The following DMD variants were observed in gnomAD, a reference collection of about 807,000 sequenced individuals.
DMD encodes dystrophin.
A neutral mutation model predicts 330.1 loss-of-function variants in DMD; 63 were observed. The observed-to-expected ratio is 0.19, with a 90% CI of 0.16 to 0.24. The LOEUF is 0.24. Ranked by LOEUF, DMD falls within the 10% of genes least tolerant of loss-of-function variation. DMD has a pLI of 1.00. For synonymous variants in DMD, 1,223 were observed against 959.8 expected (o/e 1.27, Z -5.07); for missense variants, 3,344 against 2,684.1 (o/e 1.25, Z -5.43).
chrX:32,289,480 A>C (rs1300792505), intron 42 of DMD, among the ~76,000 whole-genome samples: 1 of 110,995 alleles, frequency 9.0e-6, no homozygotes, highest in Non-Finnish European at 1.9e-5. Context: ...AATAAGGCTG[A>C]GACCTACTGG....
intron 60 of DMD, among the ~76,000 whole-genome samples, chrX:31,372,148 G>A (rs112054513): frequency 0.064 from 7,086 of 111,144 alleles, 223 homozygotes; most frequent in South Asian, 0.14. Context: ...AGAGACTATC[G>A]CTTATCTTAG....
intron 33 of DMD, among the ~76,000 whole-genome samples, chrX:32,386,029 C>T (rs899547128): frequency 1.8e-5 from 2 of 109,635 alleles, no homozygotes; most frequent in East Asian, 2.9e-4. Flanking sequence ...CCTCCCTGAG[C>T]GTTACGTATT....
intron 44 of DMD, among the ~76,000 whole-genome samples, chrX:32,181,934 T>C (rs1438514817): frequency 8.9e-6 from 1 of 112,315 alleles, no homozygotes; most frequent in Non-Finnish European, 1.9e-5. Context: ...CTTTTAATCT[T>C]TTACTTTTCA....
At chrX:32,763,395 G>T (rs562997181) in intron 7 of DMD, among the ~76,000 whole-genome samples, 25 of 111,781 alleles carry the variant, frequency 2.2e-4, no homozygotes, top group African/African-American at 7.1e-4. Context: ...ATTTGCCTGT[G>T]ACCCTGTAGG....
intron 23 of DMD, among the ~76,000 whole-genome samples, chrX:32,466,950 G>T (rs1174546797): frequency 9.0e-6 from 1 of 111,339 alleles, no homozygotes; most frequent in Non-Finnish European, 1.9e-5. Flanking sequence ...TTTGTTAGGA[G>T]TGCCATAGGA....
intron 44 of DMD, among the ~76,000 whole-genome samples, chrX:32,070,114 G>C (rs2096285719): frequency 9.0e-6 from 1 of 110,874 alleles, no homozygotes; most frequent in African/African-American, 3.3e-5. Flanking sequence ...GGTGTAATCT[G>C]GAGCAGATAA....
chrX:32,616,108 G>A (rs1179944425), intron 11 of DMD, among the ~76,000 whole-genome samples: 1 of 110,749 alleles, frequency 9.0e-6, no homozygotes, highest in Non-Finnish European at 1.9e-5. Flanking sequence ...GTTTTTGAAA[G>A]ACCACAGAAG....
At chrX:32,521,924 A>C (rs1432318823) in intron 17 of DMD, among the ~76,000 whole-genome samples, 1 of 111,572 alleles carries the variant, frequency 9.0e-6, no homozygotes, top group African/African-American at 3.3e-5. Flanking sequence ...CCTTAAAATG[A>C]TCTGAAGAGA....
In DMD at chrX:32,459,239, A is replaced by C. The variant is rs1056928430; in HGVS notation, c.3432+4200T>G. 2.7e-5 allele frequency among the ~76,000 whole-genome samples: 3 copies of C among 111,195 alleles called. No individual in the cohort carries two copies. In the South Asian group the frequency reaches 1.1e-3, roughly 42 times the overall value. On this transcript the variant is annotated intron_variant, in intron 25 of 78. Transcript: ENST00000357033. ...GTGATAGGTAAGTTTATCATCTTGA[A>C]TGTGGTAATAAGTCTCATGGGTATA...
At chrX:32,567,429 ACT>A (rs1477150237) in intron 15 of DMD, among the ~76,000 whole-genome samples, 7 of 111,699 alleles carry the variant, frequency 6.3e-5, no homozygotes, top group African/African-American at 1.3e-4. Flanking sequence ...TTGGAGTCTA[ACT>A]CTGTCGCCCA....
chrX:31,631,932 G>T (rs1289328957), intron 54 of DMD, among the ~76,000 whole-genome samples: 8 of 111,426 alleles, frequency 7.2e-5, no homozygotes, highest in Admixed American at 6.7e-4. Context: ...TACTGAAGGG[G>T]CGGAGTGTTG....
intron 44 of DMD, among the ~76,000 whole-genome samples, chrX:32,092,695 C>T (rs2096482738): frequency 1.1e-5 from 1 of 91,598 alleles, no homozygotes; most frequent in Non-Finnish European, 2.2e-5. Context: ...TTTTATACTT[C>T]CTCAAAAATG....
At chrX:32,239,925 A>G (rs2097201765) in intron 43 of DMD, among the ~76,000 whole-genome samples, 1 of 111,956 alleles carries the variant, frequency 8.9e-6, no homozygotes, top group South Asian at 3.7e-4. Flanking sequence ...GCTATCTTTA[A>G]AAAGTTTTCT....
At chrX:32,844,411 A>T (rs1603446951) in intron 4 of DMD, among the ~76,000 whole-genome samples, 1 of 82,615 alleles carries the variant, frequency 1.2e-5, no homozygotes, top group Middle Eastern at 5.8e-3. Flanking sequence ...CATCTCAAAA[A>T]AAAAAAAAAA....
intron 9 of DMD, among the ~76,000 whole-genome samples, chrX:32,684,229 C>CAA (rs750130679): frequency 1.5e-4 from 16 of 107,426 alleles, no homozygotes; most frequent in African/African-American, 3.8e-4. Context: ...ATGTATATAC[C>CAA]CACACACACA....
chrX:32,480,045 C>T (rs1195885294), intron 21 of DMD, among the ~76,000 whole-genome samples: 1 of 110,661 alleles, frequency 9.0e-6, no homozygotes, highest in East Asian at 2.8e-4. Context: ...TATATAGAAA[C>T]CTCAAAAAAC....
At chrX:31,859,582 A>G (rs1296642137) in intron 48 of DMD, among the ~76,000 whole-genome samples, 3 of 112,157 alleles carry the variant, frequency 2.7e-5, no homozygotes, top group African/African-American at 9.7e-5. Flanking sequence ...TCTAGATAGG[A>G]TATAGTAGAA....
intron 20 of DMD, among the ~76,000 whole-genome samples, chrX:32,489,969 T>C (rs73451795): frequency 0.02 from 2,226 of 112,148 alleles, 55 homozygotes; most frequent in African/African-American, 0.066. Context: ...TTTCTGAGTT[T>C]ATTTCCTCAG....
chrX:31,708,374 G>T (rs5927815), intron 52 of DMD, among the ~76,000 whole-genome samples: 1 of 110,399 alleles, frequency 9.1e-6, no homozygotes, highest in South Asian at 3.7e-4. Flanking sequence ...TATACGGGCA[G>T]ATCTAAAGCA....
Sources: gnomAD v4.1 joint callset for allele counts (sites outside exome capture counted in the v4.1 genomes callset) on GRCh38, gnomAD v4.1.1 for gene constraint, MANE v1.5 for transcripts, NCBI Gene and HGNC (gene_info 2026-07-23, HGNC 2026-07-21) for gene names.